Variants in ACOXL observed in about 807,000 individuals in gnomAD.
The protein encoded by ACOXL is acyl-CoA oxidase like.
A neutral mutation model predicts 71.9 loss-of-function variants in ACOXL; 70 were observed. The observed-to-expected ratio is 0.97, with a 90% CI of 0.80 to 1.19. The LOEUF is 1.19. Ranked by LOEUF, ACOXL falls within the 50% of genes most tolerant of loss-of-function variation. The pLI is 0.00. For synonymous variants in ACOXL, 253 were observed against 281.6 expected, an observed-to-expected ratio of 0.90 and a Z score of 1.02; for missense variants, 703 against 736.3, an observed-to-expected ratio of 0.95 and a Z score of 0.52.
intron 15 of ACOXL, among the ~76,000 whole-genome samples, chr2:111,045,433 T>C (rs527274345): frequency 6.6e-6 from 1 of 152,120 alleles, no homozygotes; most frequent in East Asian, 1.9e-4. Context: ...TGAGTTCTCA[T>C]GAGATCTGAT....
chr2:111,037,319 GACTC>G (rs1351652244), intron 15 of ACOXL, among the ~76,000 whole-genome samples: 1 of 152,178 alleles, frequency 6.6e-6, no homozygotes, highest in Admixed American at 6.5e-5. Flanking sequence ...AGACTTCACT[GACTC>G]ACTCTCCTTT....
intron 16 of ACOXL, among the ~76,000 whole-genome samples, chr2:111,056,645 G>A (rs551611576): frequency 7.2e-5 from 11 of 151,972 alleles, no homozygotes; most frequent in East Asian, 3.9e-4. Flanking sequence ...AAAATTAGCC[G>A]GGTGTGGTGG....
In ACOXL at chr2:110,876,663, C is replaced by G. The variant is rs1695943797; in HGVS notation, c.789-32126C>G. 2.0e-5 allele frequency among the ~76,000 whole-genome samples: 3 copies of G among 152,190 alleles called. No homozygotes were observed. The South Asian group carries it at 6.2e-4, about 32-fold the overall frequency. On this transcript the variant is annotated intron_variant, in intron 10 of 17. Transcript: ENST00000439055. ...GGACAGAGTAATGGCGGCTCGGGGT[C>G]AGGTCTCACTATGTGATGGCATGGC...
Position 110,934,606 on chromosome 2 carries a change from C to T in ACOXL, c.1059+964C>T, listed in dbSNP as rs958900458. Among the ~76,000 whole-genome samples, 54 of 152,138 alleles carry T rather than the reference C, an allele frequency of 3.5e-4. 1 individual carries two copies. Among genetic ancestry groups the T allele is most frequent in the African/African-American group, 1.3e-3 (52 of 41,434 alleles). On this transcript the variant is annotated intron_variant, in intron 12 of 17. Transcript: ENST00000439055. Reference sequence around the variant, plus strand: ...GGGAAAGGATGAGTTTCTGGAAAGCCGATTCCCTGCCATCCGTGTGGAGCT... The same window carrying T: ...GGGAAAGGATGAGTTTCTGGAAAGCTGATTCCCTGCCATCCGTGTGGAGCT...
At chr2:110,996,214 G>A (rs920202759) in intron 14 of ACOXL, among the ~76,000 whole-genome samples, 1 of 152,090 alleles carries the variant, frequency 6.6e-6, no homozygotes, top group African/African-American at 2.4e-5. Context: ...ATGTCATCTT[G>A]TAGAATTCCA....
intron 10 of ACOXL, among the ~76,000 whole-genome samples, chr2:110,864,853 C>T (rs902578663): frequency 1.7e-4 from 26 of 152,188 alleles, no homozygotes; most frequent in Admixed American, 1.5e-3. Context: ...TGAGCAGCCT[C>T]GTATCCAGGC....
chr2:111,066,380 G>A lies in ACOXL; in HGVS notation c.1440+17092G>A, dbSNP rs563572289. Among the ~76,000 whole-genome samples the A allele has an allele frequency of 2.0e-5, 3 of 152,284 alleles. No individual in the cohort carries two copies. The South Asian group carries it at 6.2e-4, about 32-fold the overall frequency. ...TGGCTGCCAGTGGTAAGGATGAGGA[G>A]ATGTTTGCAGAAAGAGGAAGGAAGT... On this transcript the variant is annotated intron_variant, in intron 16 of 17. Transcript: ENST00000439055.
At chr2:110,828,748 C>T (rs1043770189) in intron 9 of ACOXL, among the ~76,000 whole-genome samples, 1 of 151,984 alleles carries the variant, frequency 6.6e-6, no homozygotes, top group Non-Finnish European at 1.5e-5. Context: ...CAGTGGTGGG[C>T]TGGGGGGTGG....
chr2:110,755,816 T>C (rs940603302), intron 1 of ACOXL, among the ~76,000 whole-genome samples: 4 of 152,128 alleles, frequency 2.6e-5, no homozygotes, highest in Non-Finnish European at 5.9e-5. Flanking sequence ...AAAAATAGAG[T>C]ACTGTTTCCC....
At chr2:110,860,692 A>G (rs183416899) in intron 10 of ACOXL, among the ~76,000 whole-genome samples, 28 of 152,350 alleles carry the variant, frequency 1.8e-4, no homozygotes, top group Non-Finnish European at 3.7e-4. Context: ...CTTTCTGGCC[A>G]GAACTCTATC....
chr2:110,750,345 A>G (rs1678762453), intron 1 of ACOXL, among the ~76,000 whole-genome samples: 1 of 152,086 alleles, frequency 6.6e-6, no homozygotes, highest in Non-Finnish European at 1.5e-5. Flanking sequence ...CTAACAGCAC[A>G]TTTTTGTTGC....
At chr2:110,983,775 C>A (rs2062815147) in intron 12 of ACOXL, among the ~76,000 whole-genome samples, 1 of 152,176 alleles carries the variant, frequency 6.6e-6, no homozygotes, top group Non-Finnish European at 1.5e-5. Context: ...ATATCTAGAA[C>A]TAAAACATGT....
chr2:111,080,796 A>G (rs1446221191), intron 16 of ACOXL, among the ~76,000 whole-genome samples: 2 of 152,240 alleles, frequency 1.3e-5, no homozygotes, highest in Non-Finnish European at 2.9e-5. Context: ...AGCCAAATCC[A>G]ACAGCACATC....
At chr2:110,973,061 C>T (rs1359204323) in intron 12 of ACOXL, among the ~76,000 whole-genome samples, 1 of 152,226 alleles carries the variant, frequency 6.6e-6, no homozygotes, top group Non-Finnish European at 1.5e-5. Context: ...CTAGCAGTCT[C>T]AGGCCTTTCA....
chr2:111,049,409 G>A (rs1321305873), intron 16 of ACOXL, 121 bp downstream of exon 16: 6 of 767,200 alleles, frequency 7.8e-6, no homozygotes, highest in Admixed American at 7.0e-5. Context: ...TGCTCCAGGG[G>A]GATAAGCTTG....
At chr2:110,957,950 T>C (rs551365133) in intron 12 of ACOXL, among the ~76,000 whole-genome samples, 1 of 150,816 alleles carries the variant, frequency 6.6e-6, no homozygotes, top group East Asian at 2.0e-4. Flanking sequence ...CCCAGCTTAC[T>C]CTGGAGGCTG....
intron 14 of ACOXL, among the ~76,000 whole-genome samples, chr2:111,002,846 T>G (rs577387796): frequency 6.6e-6 from 1 of 152,342 alleles, no homozygotes; most frequent in Non-Finnish European, 1.5e-5. Flanking sequence ...ATTTGCGTTA[T>G]ACTTGTGAGC....
chr2:110,846,688 C>T (rs1691923365), intron 10 of ACOXL, among the ~76,000 whole-genome samples: 1 of 145,854 alleles, frequency 6.9e-6, no homozygotes, highest in Admixed American at 6.8e-5. Flanking sequence ...GTAACACATG[C>T]CCACCCCAAC....
chr2:110,950,118 G>A (rs1034297071), intron 12 of ACOXL, among the ~76,000 whole-genome samples: 1 of 152,022 alleles, frequency 6.6e-6, no homozygotes, highest in African/African-American at 2.4e-5. Context: ...AGTTACATAT[G>A]TACACATGTG....
Sources: allele counts gnomAD v4.1 joint callset (sites outside exome capture counted in the v4.1 genomes callset), GRCh38; gene constraint gnomAD v4.1.1; transcripts MANE v1.5; gene names NCBI Gene and HGNC (gene_info 2026-07-23, HGNC 2026-07-21).